Variants in FAM167A observed in about 807,000 individuals in gnomAD.
FAM167A encodes the protein protein FAM167A.
FAM167A carries 23 observed loss-of-function variants against 14.9 expected under a neutral mutation model. That is an observed-to-expected ratio of 1.55 (90% CI 1.11 to 2.19). The LOEUF is 2.19. Ranked by LOEUF, FAM167A falls within the 30% of genes most tolerant of loss-of-function variation. The probability of loss-of-function intolerance (pLI) is 0.00; values close to 1 mark genes in which losing one functional copy is unlikely to be tolerated. For missense variants in FAM167A, 401 were observed against 281.5 expected (o/e 1.42, Z -3.04); for synonymous variants, 174 against 117.7 (o/e 1.48, Z -3.10).
intron 2 of FAM167A, among the ~76,000 whole-genome samples, chr8:11,425,057 CTG>C (rs1424021811): frequency 7.2e-5 from 11 of 152,166 alleles, no homozygotes; most frequent in Non-Finnish European, 1.5e-4. Flanking sequence ...GGGGCTTTGA[CTG>C]TGATGGCCAT....
In FAM167A at chr8:11,424,144, C is replaced by A; in HGVS notation, c.*229G>T. 1 of 566,042 alleles carries A rather than the reference C, an allele frequency of 1.8e-6. No homozygotes were observed. The highest frequency in any genetic ancestry group is 2.2e-5 in the South Asian group (1 of 44,986). The allele number at this position is 566,042 out of a possible 1,614,324, so 35.1% of individuals were successfully genotyped here. On this transcript the variant is annotated 3_prime_UTR_variant, in exon 3 of 3. Transcript: ENST00000284486. ...CATCTTGGTTGGAGCGGCCCTTCTG[C>A]AGAGCTCTTTGGGTAGTAAGCAAGA... is the stretch of plus-strand genomic sequence containing the variant.
chr8:11,444,315 G>A lies in FAM167A; in HGVS notation c.97C>T (p.Leu33Phe). 1.2e-6 allele frequency: 2 copies of A among 1,612,322 alleles called. No homozygotes were observed. Among genetic ancestry groups the A allele is most frequent in the South Asian group, 1.1e-5 (1 of 91,024 alleles). ...PDDHLRSLKA[L>F]TEKLRLETRR... is the part of the protein sequence containing the mutation. Reference sequence around the variant, plus strand: ...GTCTCCAGCCTCAGTTTCTCGGTGAGGGCCTTCAGGCTCCGGAGGTGGTCA... The same window carrying A: ...GTCTCCAGCCTCAGTTTCTCGGTGAAGGCCTTCAGGCTCCGGAGGTGGTCA... The change falls in exon 2 of 3, where the codon CTC (leucine) becomes TTC (phenylalanine). Residue 33 changes from leucine to phenylalanine, a missense_variant. Coordinates refer to ENST00000284486, the MANE Select transcript of FAM167A (RefSeq NM_053279.3).
At chr8:11,425,685 G>T (rs949389536) in intron 2 of FAM167A, among the ~76,000 whole-genome samples, 2 of 152,076 alleles carry the variant, frequency 1.3e-5, no homozygotes, top group African/African-American at 4.8e-5. Flanking sequence ...CTTGCTGTTG[G>T]AGTTTAGGCA....
At chr8:11,460,767 A>AT (rs1807506499) in intron 1 of FAM167A, among the ~76,000 whole-genome samples, 1 of 152,136 alleles carries the variant, frequency 6.6e-6, no homozygotes, top group African/African-American at 2.4e-5. Context: ...CCACAGCTCC[A>AT]TGAGTGGCGC....
At chr8:11,454,301 A>T (rs941629304) in intron 1 of FAM167A, among the ~76,000 whole-genome samples, 2 of 152,202 alleles carry the variant, frequency 1.3e-5, no homozygotes, top group South Asian at 4.1e-4. Context: ...ACCAAGCCTA[A>T]AACTCCACAT....
upstream of FAM167A, among the ~76,000 whole-genome samples, chr8:11,467,938 T>G (rs1807836256): frequency 6.6e-6 from 1 of 152,244 alleles, no homozygotes; most frequent in African/African-American, 2.4e-5. Context: ...AAGCATCTTT[T>G]GGAGAGTCAC....
intron 2 of FAM167A, among the ~76,000 whole-genome samples, chr8:11,427,486 C>G (rs1359025825): frequency 1.3e-5 from 2 of 152,202 alleles, no homozygotes; most frequent in Non-Finnish European, 2.9e-5. Flanking sequence ...TCGGCTGTGC[C>G]ATTTACCTGG....
chr8:11,435,099 A>G lies in FAM167A; in HGVS notation c.381+8932T>C, dbSNP rs78934573. 6.9e-3 allele frequency: 3,174 copies of G among 456,698 alleles called. 78 individuals carry two copies. Among genetic ancestry groups the G allele is most frequent in the African/African-American group, 0.057 (2,880 of 50,144 alleles). The allele number at this position is 456,698 out of a possible 1,614,324, so 28.3% of individuals were successfully genotyped here. On this transcript the variant is annotated intron_variant, in intron 2 of 2. Coordinates refer to ENST00000284486, the MANE Select transcript of FAM167A (RefSeq NM_053279.3). ...GTCTCCCTGCTTCTTCAAATCTTTCAAAGGTATCACGGGACCCTCCTGTTC... is the reference window on the plus strand; with the variant it reads ...GTCTCCCTGCTTCTTCAAATCTTTCGAAGGTATCACGGGACCCTCCTGTTC...
chr8:11,472,501 G>A (rs184616329), upstream of FAM167A, among the ~76,000 whole-genome samples: 26 of 148,342 alleles, frequency 1.8e-4, no homozygotes, highest in South Asian at 2.2e-4. Context: ...GTGCAGTGGC[G>A]TGATCTCGGC....
chr8:11,444,862 G>C (rs926735369), intron 1 of FAM167A, 54 bp from the exon 2 acceptor site: 13 of 988,978 alleles, frequency 1.3e-5, no homozygotes, highest in Non-Finnish European at 1.4e-5. Flanking sequence ...GCCACTCAGA[G>C]GCGGGCACGT....
intron 2 of FAM167A, among the ~76,000 whole-genome samples, chr8:11,436,204 A>C (rs1338505546): frequency 6.6e-6 from 1 of 152,218 alleles, no homozygotes; most frequent in Non-Finnish European, 1.5e-5. Context: ...TGGTAATGCC[A>C]ATACACTTCA....
chr8:11,458,698 G>A (rs1807424221), intron 1 of FAM167A, among the ~76,000 whole-genome samples: 1 of 152,174 alleles, frequency 6.6e-6, no homozygotes, highest in Admixed American at 6.5e-5. Context: ...AGCTCAGCTG[G>A]GAGGATATAA....
chr8:11,425,726 A>C (rs12156245), intron 2 of FAM167A, among the ~76,000 whole-genome samples: 27,819 of 151,978 alleles, frequency 0.18, 2,719 homozygotes, highest in Middle Eastern at 0.33. Context: ...TGAAATAGAG[A>C]TATAAGACTG....
upstream of FAM167A, among the ~76,000 whole-genome samples, chr8:11,471,326 A>C (rs2736326): frequency 6.6e-6 from 1 of 152,070 alleles, no homozygotes; most frequent in East Asian, 1.9e-4. Context: ...GCAAAGGCAG[A>C]GGATGAGGAA....
chr8:11,430,095 C>G (rs576989881), intron 2 of FAM167A, among the ~76,000 whole-genome samples: 1 of 152,222 alleles, frequency 6.6e-6, no homozygotes, highest in Admixed American at 6.5e-5. Flanking sequence ...TTCATGCTGT[C>G]TCTGGCAAAG....
chr8:11,470,419 G>A (rs1807921884), upstream of FAM167A, among the ~76,000 whole-genome samples: 1 of 152,212 alleles, frequency 6.6e-6, no homozygotes, highest in Admixed American at 6.5e-5. Context: ...GAATGCAGCA[G>A]GCAGGGAGTA....
chr8:11,426,296 C>G (rs1805140428), intron 2 of FAM167A, among the ~76,000 whole-genome samples: 1 of 152,182 alleles, frequency 6.6e-6, no homozygotes, highest in Non-Finnish European at 1.5e-5. Context: ...TTGCTTGTAA[C>G]TCCTGTCTCT....
chr8:11,445,373 G>T, intron 1 of FAM167A: 1 of 986,052 alleles, frequency 1.0e-6, no homozygotes, highest in Non-Finnish European at 1.2e-6. Flanking sequence ...CTACATCCAG[G>T]TCTTACTCTA....
chr8:11,447,253 C>T lies in FAM167A; in HGVS notation c.-397-2445G>A, dbSNP rs530490150. 1.5e-4 allele frequency among the ~76,000 whole-genome samples: 22 copies of T among 149,204 alleles called. No individual in the cohort carries two copies. In the South Asian group the frequency reaches 3.8e-3, roughly 26 times the overall value. On this transcript the variant is annotated intron_variant, in intron 1 of 2. Coordinates refer to ENST00000284486, the MANE Select transcript of FAM167A (RefSeq NM_053279.3). ...CTGGAGTGCAATGGCGTGATCTTGGCTCACTGCCACCTCCACCTCTTGGGT... is the reference window on the plus strand; with the variant it reads ...CTGGAGTGCAATGGCGTGATCTTGGTTCACTGCCACCTCCACCTCTTGGGT...
Sources: allele counts gnomAD v4.1 joint callset (sites outside exome capture counted in the v4.1 genomes callset), GRCh38; gene constraint gnomAD v4.1.1; transcripts MANE v1.5; gene names NCBI Gene and HGNC (gene_info 2026-07-23, HGNC 2026-07-21).